SSUH2: variants seen among roughly 807,000 people sequenced by gnomAD.
SSUH2 encodes protein SSUH2 homolog.
A neutral mutation model predicts 55.3 loss-of-function variants in SSUH2; 47 were observed. That is an observed-to-expected ratio of 0.85 (90% CI 0.67 to 1.08). The LOEUF (loss-of-function observed/expected upper bound fraction) is 1.08, where lower values mean the gene tolerates loss of function less well. Among genes scored for constraint, SSUH2 ranks in the 50% least tolerant of loss-of-function variants. The pLI, the probability that SSUH2 is intolerant of heterozygous loss-of-function variation, is 0.00. For synonymous variants in SSUH2, 212 were observed against 191.5 expected, an observed-to-expected ratio of 1.11 and a Z score of -0.89; for missense variants, 535 against 490.7, an observed-to-expected ratio of 1.09 and a Z score of -0.85.
intron 6 of SSUH2, chr3:8,659,692 C>G (rs1703281157): frequency 2.3e-6 from 1 of 443,662 alleles, no homozygotes; most frequent in African/African-American, 2.0e-5. Context: ...ATCCAGTATT[C>G]ATCCATCTAC....
chr3:8,662,965 C>T (rs1285226393), intron 6 of SSUH2, among the ~76,000 whole-genome samples: 1 of 152,244 alleles, frequency 6.6e-6, no homozygotes, highest in East Asian at 1.9e-4. Flanking sequence ...ATCGATGCTA[C>T]TATTCCTACT....
intron 5 of SSUH2, among the ~76,000 whole-genome samples, chr3:8,669,320 A>G (rs972120626): frequency 7.9e-5 from 12 of 152,246 alleles, no homozygotes; most frequent in Admixed American, 2.0e-4. Context: ...TAAAATAACC[A>G]TAAGTCAATG....
chr3:8,663,265 T>C (rs1287644139), intron 6 of SSUH2, among the ~76,000 whole-genome samples: 1 of 152,236 alleles, frequency 6.6e-6, no homozygotes, highest in African/African-American at 2.4e-5. Context: ...ATCTCAGATG[T>C]CTGACCGACC....
intron 7 of SSUH2, among the ~76,000 whole-genome samples, chr3:8,654,845 T>C (rs1702779591): frequency 6.6e-6 from 1 of 151,058 alleles, no homozygotes; most frequent in Admixed American, 6.6e-5. Context: ...TCTCAGTGTG[T>C]GGCCTCCCCC....
At chr3:8,627,387 T>G (rs1488263459) in intron 8 of SSUH2, 11 of 293,846 alleles carry the variant, frequency 3.7e-5, no homozygotes, top group Non-Finnish European at 1.9e-5. Flanking sequence ...TGATATTCAC[T>G]TCCCAACCCG....
chr3:8,662,931 A>G (rs988110733), intron 6 of SSUH2, among the ~76,000 whole-genome samples: 8 of 152,374 alleles, frequency 5.3e-5, no homozygotes, highest in South Asian at 2.1e-4. Flanking sequence ...ATTTTTCCAA[A>G]TGCAAAATAA....
intron 7 of SSUH2, among the ~76,000 whole-genome samples, chr3:8,652,949 G>C (rs1341437416): frequency 1.3e-5 from 2 of 152,212 alleles, no homozygotes; most frequent in Non-Finnish European, 2.9e-5. Context: ...GAGTGGGGAG[G>C]AGACTGGGCT....
At chr3:8,666,081 G>T (rs1197533343) in intron 5 of SSUH2, among the ~76,000 whole-genome samples, 1 of 152,206 alleles carries the variant, frequency 6.6e-6, no homozygotes, top group Non-Finnish European at 1.5e-5. Flanking sequence ...GACTGAACAT[G>T]TGAGAAAGGG....
At chr3:8,681,394 G>A (rs373833173) in intron 1 of SSUH2, among the ~76,000 whole-genome samples, 24 of 145,058 alleles carry the variant, frequency 1.7e-4, no homozygotes, top group African/African-American at 5.7e-4. Flanking sequence ...GACACCCATC[G>A]CAGGATGGGG....
intron 5 of SSUH2, among the ~76,000 whole-genome samples, chr3:8,665,131 G>A (rs1197554359): frequency 6.6e-6 from 1 of 152,058 alleles, no homozygotes; most frequent in East Asian, 1.9e-4. Flanking sequence ...TAAAAAAGGT[G>A]ACATGTTGAC....
At chr3:8,663,301 C>T (rs1189608277) in intron 6 of SSUH2, among the ~76,000 whole-genome samples, 1 of 152,258 alleles carries the variant, frequency 6.6e-6, no homozygotes, top group East Asian at 1.9e-4. Context: ...TACCACACTG[C>T]ATTATTCTGC....
intron 7 of SSUH2, among the ~76,000 whole-genome samples, chr3:8,628,778 C>A (rs1194056464): frequency 6.6e-6 from 1 of 152,208 alleles, no homozygotes; most frequent in Non-Finnish European, 1.5e-5. Flanking sequence ...CCAGAAGAAC[C>A]AGCCTAGCCC....
At chr3:8,628,579 G>C (rs190582675) in intron 7 of SSUH2, among the ~76,000 whole-genome samples, 26 of 152,340 alleles carry the variant, frequency 1.7e-4, no homozygotes, top group African/African-American at 5.5e-4. Context: ...TGACAAGGTA[G>C]GGCCTAAATC....
At chr3:8,627,396 C>T (rs546992665) in intron 8 of SSUH2, 17 of 313,060 alleles carry the variant, frequency 5.4e-5, no homozygotes, top group African/African-American at 2.6e-4. Context: ...CTTCCCAACC[C>T]GTGGGCGGGA....
At chr3:8,643,511 A>G (rs1701210139) in intron 1 of SSUH2, among the ~76,000 whole-genome samples, 1 of 152,234 alleles carries the variant, frequency 6.6e-6, no homozygotes, top group Non-Finnish European at 1.5e-5. Flanking sequence ...CTCCTCCAAT[A>G]CATGCTAAAA....
intron 5 of SSUH2, chr3:8,663,855 G>A (rs549801919): frequency 4.4e-6 from 2 of 456,708 alleles, no homozygotes; most frequent in East Asian, 6.9e-5. Context: ...AATGATGCGT[G>A]TCCCAAGACA....
At chr3:8,676,360 CAA>C (rs1435549486) in intron 3 of SSUH2, among the ~76,000 whole-genome samples, 2 of 151,832 alleles carry the variant, frequency 1.3e-5, no homozygotes, top group South Asian at 2.1e-4. Flanking sequence ...CAATTAGAAA[CAA>C]TATCAGTGGG....
intron 1 of SSUH2, among the ~76,000 whole-genome samples, chr3:8,644,508 G>GAGGA (rs377709773): frequency 3.5e-4 from 54 of 152,284 alleles, no homozygotes; most frequent in African/African-American, 9.6e-4. Context: ...TTACACACGA[G>GAGGA]AGGAAGGAAG....
chr3:8,675,625 C>T (rs1259368727), intron 3 of SSUH2, among the ~76,000 whole-genome samples: 4 of 152,224 alleles, frequency 2.6e-5, no homozygotes, highest in Non-Finnish European at 2.9e-5. Context: ...TGCAATCTAG[C>T]GGAGTCTAAG....
Sources: allele counts gnomAD v4.1 joint callset (sites outside exome capture counted in the v4.1 genomes callset), GRCh38; gene constraint gnomAD v4.1.1; transcripts MANE v1.5; gene names NCBI Gene and HGNC (gene_info 2026-07-23, HGNC 2026-07-21).